TPH1: variants seen among roughly 807,000 people sequenced by gnomAD.
TPH1 encodes the protein tryptophan 5-hydroxylase 1.
Under a neutral mutation model 49.5 loss-of-function variants are expected in TPH1, and 37 were observed. The observed-to-expected ratio is 0.75, with a 90% CI of 0.58 to 0.98. The LOEUF (loss-of-function observed/expected upper bound fraction) is 0.98. TPH1 is among the 50% of genes least tolerant of loss of function. The pLI, the probability that TPH1 is intolerant of heterozygous loss-of-function variation, is 0.00. For missense variants in TPH1, 487 were observed against 523.6 expected (o/e 0.93, Z 0.68); for synonymous variants, 160 against 182.1 (o/e 0.88, Z 0.98).
At chr11:18,033,955 C>T (rs111868499) in intron 3 of TPH1, among the ~76,000 whole-genome samples, 95 of 152,272 alleles carry the variant, frequency 6.2e-4, no homozygotes, top group African/African-American at 2.2e-3. Context: ...CCTTCAAGAC[C>T]CAAATCTAAT....
At chr11:18,033,400 T>A in intron 3 of TPH1, 26 bp from the exon 4 acceptor site, 1 of 1,500,264 alleles carries the variant, frequency 6.7e-7, no homozygotes, top group Non-Finnish European at 9.3e-7. Flanking sequence ...TAAAATAAAA[T>A]AAAAACCAGT....
chr11:18,043,671 T>C (rs1259069402), intron 1 of TPH1, among the ~76,000 whole-genome samples: 1 of 151,914 alleles, frequency 6.6e-6, no homozygotes, highest in Non-Finnish European at 1.5e-5. Flanking sequence ...CTGGGTAACA[T>C]AGTGAGATGC....
At chr11:18,033,163 G>T in intron 4 of TPH1, 111 bp downstream of exon 4, 2 of 832,366 alleles carry the variant, frequency 2.4e-6, no homozygotes, top group South Asian at 1.3e-5. Context: ...TAAGGCAGGA[G>T]AATCACTTGA....
intron 8 of TPH1, among the ~76,000 whole-genome samples, chr11:18,024,920 C>A (rs746553877): frequency 6.6e-6 from 1 of 152,222 alleles, no homozygotes; most frequent in Non-Finnish European, 1.5e-5. Context: ...TCCTTCCTTG[C>A]TGAGCACATC....
chr11:18,029,417 C>T, intron 5 of TPH1, 56 bp from the exon 6 acceptor site: 16 of 1,558,676 alleles, frequency 1.0e-5, no homozygotes, highest in Non-Finnish European at 1.2e-5. Context: ...AATAGTGGCA[C>T]TTATTTCACT....
At chr11:18,033,404 A>T in intron 3 of TPH1, 30 bp from the exon 4 acceptor site, 1 of 1,503,132 alleles carries the variant, frequency 6.7e-7, no homozygotes, top group South Asian at 1.1e-5. Context: ...ATAAAATAAA[A>T]ACCAGTAAAA....
rs1053785915 is a variant in TPH1, at chr11:18,018,163, G to A, written c.*2828C>T. On this transcript the variant is annotated 3_prime_UTR_variant, in exon 11 of 11. Coordinates refer to ENST00000682019, the MANE Select transcript of TPH1 (RefSeq NM_004179.3). Reference sequence around the variant, plus strand: ...ACTGCGCTCCAGCCTGGGCAACAGAGTGAGACTCTGTCTCAAAAAAAAAAA... The same window carrying A: ...ACTGCGCTCCAGCCTGGGCAACAGAATGAGACTCTGTCTCAAAAAAAAAAA... 7 of 121,154 alleles carry A rather than the reference G, an allele frequency of 5.8e-5. No homozygotes were observed. The highest frequency in any genetic ancestry group is 2.0e-4 in the African/African-American group (7 of 34,990). The allele number at this position is 121,154 out of a possible 1,614,324, so 7.5% of individuals were successfully genotyped here. A position where few individuals can be genotyped will look rare whatever the true frequency, so the allele number is the denominator to read the frequency against.
intron 6 of TPH1, among the ~76,000 whole-genome samples, chr11:18,026,937 T>A (rs1847934564): frequency 6.6e-6 from 1 of 152,188 alleles, no homozygotes; most frequent in African/African-American, 2.4e-5. Flanking sequence ...CATTAGTTGA[T>A]AAAGGCAGAA....
chr11:18,019,081 T>C lies in TPH1; in HGVS notation c.*1910A>G, dbSNP rs1342483016. 1 of 152,290 alleles carries C rather than the reference T, an allele frequency of 6.6e-6. No homozygotes were observed. Among genetic ancestry groups the C allele is most frequent in the Admixed American group, 6.5e-5 (1 of 15,290 alleles). 9.4% of individuals were successfully genotyped at this position (152,290 alleles called of 1,614,324 possible). ...GCTAGCATCTATTTACCATCAAATG[T>C]ATACTTAAGAGTTGATTAGCTATTA... On this transcript the variant is annotated 3_prime_UTR_variant, in exon 11 of 11. Coordinates refer to ENST00000682019, the MANE Select transcript of TPH1 (RefSeq NM_004179.3).
At position 18,033,302 on chromosome 11, in the gene TPH1, TACATCAGA is replaced by T; in HGVS notation, c.366_373del (p.Leu123TrpfsTer3). 6.2e-7 allele frequency: 1 copy of T among 1,614,010 alleles called. No individual in the cohort carries two copies. Among genetic ancestry groups the T allele is most frequent in the Non-Finnish European group, 8.5e-7 (1 of 1,179,906 alleles). ...ATGGTCTGCATCTAGTTCAGATCCA[TACATCAGA>T]ACTCTGTTGGCACAATGGTCCAGGT... is the stretch of plus-strand genomic sequence containing the variant. On this transcript the variant is annotated frameshift_variant, in exon 4 of 11. Transcript: ENST00000682019. LOFTEE classifies it high-confidence loss of function.
intron 10 of TPH1, among the ~76,000 whole-genome samples, chr11:18,021,622 A>G (rs1854364224): frequency 6.6e-6 from 1 of 152,100 alleles, no homozygotes; most frequent in Non-Finnish European, 1.5e-5. Context: ...GTGTGTTTAT[A>G]TAACATATAA....
In TPH1 at chr11:18,046,239, AC is replaced by A. The variant is rs1427946374; in HGVS notation, c.-27+1del. ...GCCCGCGGGAAGGGCCGCCTCACTC[AC>A]CTCGGGCGCCAGTAGGTGCAGGCTG... On this transcript the variant is annotated splice_donor_variant, in intron 1 of 10. Coordinates refer to ENST00000682019, the MANE Select transcript of TPH1 (RefSeq NM_004179.3). LOFTEE classifies it low-confidence loss of function (5UTR_SPLICE). Among the ~76,000 whole-genome samples the A allele has an allele frequency of 6.6e-6, 1 of 152,116 alleles. No individual in the cohort carries two copies. Among genetic ancestry groups the A allele is most frequent in the African/African-American group, 2.4e-5 (1 of 41,430 alleles).
intron 1 of TPH1, among the ~76,000 whole-genome samples, chr11:18,043,318 T>C (rs1193932358): frequency 6.6e-6 from 1 of 152,154 alleles, no homozygotes; most frequent in Non-Finnish European, 1.5e-5. Flanking sequence ...TATAAAACTA[T>C]ATGAGGCCAG....
chr11:18,037,568 T>C (rs147081144), intron 2 of TPH1, among the ~76,000 whole-genome samples: 1,626 of 152,258 alleles, frequency 0.011, 39 homozygotes, highest in African/African-American at 0.037. Flanking sequence ...ATTTTTACAT[T>C]AATAATGCAT....
chr11:18,043,251 G>T (rs1848113977), intron 1 of TPH1, among the ~76,000 whole-genome samples: 1 of 152,156 alleles, frequency 6.6e-6, no homozygotes, highest in African/African-American at 2.4e-5. Flanking sequence ...CAGAATTCTA[G>T]ATCTCCTGAT....
chr11:18,029,661 T>G, intron 4 of TPH1, 82 bp from the exon 5 acceptor site: 1 of 1,111,874 alleles, frequency 9.0e-7, no homozygotes, highest in Non-Finnish European at 1.4e-6. Context: ...TCATTATTAC[T>G]AGAGCTATTA....
At chr11:18,040,437 C>T (rs1848089009) in intron 2 of TPH1, among the ~76,000 whole-genome samples, 1 of 150,794 alleles carries the variant, frequency 6.6e-6, no homozygotes. Flanking sequence ...GATCATAGCT[C>T]ACTCACTGTA....
Position 18,018,944 on chromosome 11 carries a change from C to A in TPH1, c.*2047G>T, listed in dbSNP as rs981862792. ...TTCTAAGATTTGCTTTTTTTAATTT[C>A]TTTTTTTCTACATGTTCTAAGATTT... On this transcript the variant is annotated 3_prime_UTR_variant, in exon 11 of 11. Coordinates refer to ENST00000682019, the MANE Select transcript of TPH1 (RefSeq NM_004179.3). The A allele has an allele frequency of 3.6e-4, 55 of 151,484 alleles. No homozygotes were observed. Among genetic ancestry groups the A allele is most frequent in the African/African-American group, 1.1e-3 (47 of 41,328 alleles). 9.4% of individuals were successfully genotyped at this position (151,484 alleles called of 1,614,324 possible). A position where few individuals can be genotyped will look rare whatever the true frequency, so the allele number is the denominator to read the frequency against.
intron 3 of TPH1, among the ~76,000 whole-genome samples, chr11:18,035,586 A>C (rs1848040171): frequency 6.6e-6 from 1 of 151,548 alleles, no homozygotes; most frequent in African/African-American, 2.4e-5. Context: ...ATGCCACCAC[A>C]CCTGGCTAGT....
Sources: allele counts gnomAD v4.1 joint callset (sites outside exome capture counted in the v4.1 genomes callset), GRCh38; gene constraint gnomAD v4.1.1; transcripts MANE v1.5; gene names NCBI Gene and HGNC (gene_info 2026-07-23, HGNC 2026-07-21).